The following LRTM3 variants were observed in gnomAD, a reference collection of about 807,000 sequenced individuals.
The protein encoded by LRTM3 is leucine rich repeat transmembrane protein 3, also known as leucine-rich repeat transmembrane protein 3.
At chr13:102,729,485 A>T in the LRTM3 span, 2 of 1,460,056 alleles carry the variant, frequency 1.4e-6, no homozygotes, top group Non-Finnish European at 1.8e-6. Flanking sequence ...GGACCCCGAG[A>T]GCGACCCCAA....
chr13:102,744,074 G>C, the LRTM3 span: 1 of 1,549,608 alleles, frequency 6.5e-7, no homozygotes, highest in Admixed American at 2.0e-5. Flanking sequence ...ATATTCAGTG[G>C]CACTGAGTAA....
At chr13:102,738,730 T>C in the LRTM3 span, 1 of 1,550,760 alleles carries the variant, frequency 6.4e-7, no homozygotes, top group Non-Finnish European at 8.7e-7. Context: ...TGGCTTCCTC[T>C]CCTTCTATTG....
At chr13:102,745,669 A>C in the LRTM3 span, 574 of 1,551,096 alleles carry the variant, frequency 3.7e-4, 2 homozygotes, top group African/African-American at 7.0e-3. Flanking sequence ...AGGAACCAAA[A>C]ATCGCTGTCT....
chr13:102,744,039 T>G, the LRTM3 span: 2 of 1,550,488 alleles, frequency 1.3e-6, no homozygotes, highest in Non-Finnish European at 1.7e-6. Context: ...TTATCAATCA[T>G]TGATTTGGAT....
chr13:102,737,769 C>A, the LRTM3 span: 1 of 1,550,968 alleles, frequency 6.4e-7, no homozygotes, highest in Admixed American at 2.0e-5. Context: ...TTCCCTGTCT[C>A]TGATGATTTC....
At chr13:102,740,915 C>G in the LRTM3 span, 22 of 1,549,782 alleles carry the variant, frequency 1.4e-5, no homozygotes, top group Non-Finnish European at 1.7e-5. Context: ...CTCGTGTGTA[C>G]TTTCTTGTGG....
the LRTM3 span, chr13:102,741,716 A>G: frequency 6.5e-7 from 1 of 1,550,334 alleles, no homozygotes; most frequent in Non-Finnish European, 8.7e-7. Context: ...GTTTAGTGGA[A>G]TATCTAGTCT....
the LRTM3 span, among the ~76,000 whole-genome samples, chr13:102,751,342 TACACACACACACACACACAC>T: frequency 1.8e-4 from 26 of 142,114 alleles, no homozygotes; most frequent in Middle Eastern, 3.5e-3. Flanking sequence ...TCTCTCTTTA[TACACACACACACACACACAC>T]ACACACACAC....
At chr13:102,729,789 T>C in the LRTM3 span, 2 of 1,551,896 alleles carry the variant, frequency 1.3e-6, no homozygotes, top group Non-Finnish European at 1.7e-6. Flanking sequence ...CTGTCACGTT[T>C]CCCTTTGCTG....
At chr13:102,746,078 T>C in the LRTM3 span, 1 of 1,551,180 alleles carries the variant, frequency 6.4e-7, no homozygotes, top group East Asian at 2.4e-5. Context: ...GTTGGCTTTT[T>C]GTAGTTCTTC....
the LRTM3 span, chr13:102,737,397 A>G: frequency 1.3e-6 from 2 of 1,550,716 alleles, no homozygotes; most frequent in Non-Finnish European, 1.7e-6. Context: ...TCAGAAGGCA[A>G]ATGTAGGAAG....
the LRTM3 span, chr13:102,750,108 AT>A: frequency 6.4e-7 from 1 of 1,551,142 alleles, no homozygotes; most frequent in Non-Finnish European, 8.7e-7. Context: ...ATTGAAAATA[AT>A]TTCTTGGAGG....
chr13:102,739,819 T>C, the LRTM3 span: 1 of 1,549,666 alleles, frequency 6.5e-7, no homozygotes, highest in South Asian at 1.2e-5. Flanking sequence ...TAGACTCACA[T>C]ATTTTTGCTG....
At chr13:102,741,357 T>C in the LRTM3 span, 3 of 1,549,398 alleles carry the variant, frequency 1.9e-6, no homozygotes, top group Middle Eastern at 1.7e-4. Context: ...TCCAGAATAC[T>C]TTCGGGAACA....
chr13:102,744,045 T>C, the LRTM3 span: 1 of 1,550,616 alleles, frequency 6.4e-7, no homozygotes, highest in Non-Finnish European at 8.7e-7. Flanking sequence ...ATCATTGATT[T>C]GGATGTTGTA....
chr13:102,751,342 TACACACACACACACACACACAC>T, the LRTM3 span, among the ~76,000 whole-genome samples: 8 of 142,112 alleles, frequency 5.6e-5, no homozygotes, highest in African/African-American at 1.8e-4. Flanking sequence ...TCTCTCTTTA[TACACACACACACACACACACAC>T]ACACACACAC....
At chr13:102,730,264 A>G in the LRTM3 span, 44 of 1,551,418 alleles carry the variant, frequency 2.8e-5, 2 homozygotes, top group South Asian at 4.0e-4. Flanking sequence ...ATTCAAATAG[A>G]ATGTTTTCTG....
the LRTM3 span, chr13:102,747,128 G>A: frequency 1.3e-6 from 2 of 1,550,652 alleles, no homozygotes; most frequent in South Asian, 2.4e-5. Context: ...TGTGTTTTGG[G>A]ATTCATTTCC....
chr13:102,736,560 C>T, the LRTM3 span: 3 of 1,551,114 alleles, frequency 1.9e-6, no homozygotes, highest in South Asian at 3.6e-5. Context: ...GGTTCACCTT[C>T]CTCTTCTTTT....
Sources: gnomAD v4.1 joint callset for allele counts (sites outside exome capture counted in the v4.1 genomes callset) on GRCh38, gnomAD v4.1.1 for gene constraint, MANE v1.5 for transcripts, NCBI Gene and HGNC (gene_info 2026-07-23, HGNC 2026-07-21) for gene names.